Variants in RBFOX1 observed in about 807,000 individuals in gnomAD.
The protein encoded by RBFOX1 is RNA binding protein fox-1 homolog 1.
In RBFOX1, 8 loss-of-function variants were observed where a neutral mutation model predicts 57.7. The observed-to-expected ratio is 0.14, with a 90% CI of 0.08 to 0.25. The LOEUF (loss-of-function observed/expected upper bound fraction) is 0.25. Ranked by LOEUF, RBFOX1 falls within the 10% of genes least tolerant of loss-of-function variation. The pLI, the probability that RBFOX1 is intolerant of heterozygous loss-of-function variation, is 1.00. For missense variants in RBFOX1, 611 were observed against 548.5 expected (o/e 1.11, Z -1.14); for synonymous variants, 326 against 222.4 (o/e 1.47, Z -4.15).
chr16:6,246,560 A>T (rs1229414727), intron 1 of RBFOX1, among the ~76,000 whole-genome samples: 2 of 152,170 alleles, frequency 1.3e-5, no homozygotes, highest in African/African-American at 4.8e-5. Context: ...GCTCTGTGGT[A>T]ACACCATGGG....
At chr16:7,580,969 G>A (rs2093713781) in intron 6 of RBFOX1, among the ~76,000 whole-genome samples, 1 of 152,140 alleles carries the variant, frequency 6.6e-6, no homozygotes, top group African/African-American at 2.4e-5. Flanking sequence ...ACAAGAAGAT[G>A]CCCAACTTGA....
In RBFOX1 at chr16:6,714,312, G is replaced by A. The variant is rs147853889; in HGVS notation, c.-16+59662G>A. ...CATTTCATTATAGTATTGTGAAATC[G>A]GACCAAAACAGTGGTTTATTTGGGA... is the stretch of plus-strand genomic sequence containing the variant. On this transcript the variant is annotated intron_variant, in intron 3 of 15. Coordinates refer to ENST00000550418, the MANE Select transcript of RBFOX1 (RefSeq NM_018723.4). Among the ~76,000 whole-genome samples, 274 of 152,166 alleles carry A rather than the reference G, an allele frequency of 1.8e-3. 4 individuals are homozygous for A. The highest frequency in any genetic ancestry group is 6.8e-3 in the Middle Eastern group (2 of 294).
intron 3 of RBFOX1, among the ~76,000 whole-genome samples, chr16:6,830,060 GCA>G (rs1485030203): frequency 6.6e-6 from 1 of 151,950 alleles, no homozygotes; most frequent in Non-Finnish European, 1.5e-5. Flanking sequence ...AGGATTACAG[GCA>G]CACACCACCA....
intron 3 of RBFOX1, among the ~76,000 whole-genome samples, chr16:6,675,021 T>G (rs1164545260): frequency 1.3e-5 from 2 of 152,174 alleles, no homozygotes; most frequent in African/African-American, 4.8e-5. Context: ...TTCTCGTGCC[T>G]CAGCCTCCTC....
chr16:6,849,931 G>C (rs766516854), intron 3 of RBFOX1, among the ~76,000 whole-genome samples: 19 of 152,252 alleles, frequency 1.2e-4, no homozygotes, highest in Non-Finnish European at 2.4e-4. Flanking sequence ...CTAGGAAGAT[G>C]ACTTGGATTA....
chr16:5,336,361 G>A (rs2151285639), intron 1 of RBFOX1, among the ~76,000 whole-genome samples: 1 of 152,264 alleles, frequency 6.6e-6, no homozygotes, highest in East Asian at 1.9e-4. Flanking sequence ...GTTACACTGG[G>A]CAAGCTGGCA....
chr16:6,147,118 C>T (rs1216776727), intron 1 of RBFOX1, among the ~76,000 whole-genome samples: 3 of 152,132 alleles, frequency 2.0e-5, no homozygotes, highest in African/African-American at 4.8e-5. Context: ...GGATAGAGAG[C>T]CAGAGAAATA....
At chr16:6,537,586 C>G (rs1379416238) in intron 2 of RBFOX1, among the ~76,000 whole-genome samples, 1 of 152,204 alleles carries the variant, frequency 6.6e-6, no homozygotes, top group Non-Finnish European at 1.5e-5. Flanking sequence ...AGAGACCACG[C>G]TGAAGTATCT....
chr16:6,884,289 G>C (rs541930275), intron 3 of RBFOX1, among the ~76,000 whole-genome samples: 1 of 152,266 alleles, frequency 6.6e-6, no homozygotes, highest in South Asian at 2.1e-4. Flanking sequence ...TCTGGGTACT[G>C]TGAAGCAACT....
intron 4 of RBFOX1, among the ~76,000 whole-genome samples, chr16:7,233,085 C>A (rs2093592437): frequency 6.6e-6 from 1 of 152,090 alleles, no homozygotes; most frequent in South Asian, 2.1e-4. Context: ...GGCCAAAGAA[C>A]CCATCTCACA....
intron 4 of RBFOX1, among the ~76,000 whole-genome samples, chr16:7,108,949 G>C (rs1232870880): frequency 6.6e-6 from 1 of 152,144 alleles, no homozygotes; most frequent in East Asian, 1.9e-4. Flanking sequence ...TATGGTCAAG[G>C]AGGAGAAAAG....
At chr16:5,823,712 G>A (rs566234504) in intron 3 of RBFOX1, among the ~76,000 whole-genome samples, 25 of 152,192 alleles carry the variant, frequency 1.6e-4, no homozygotes, top group African/African-American at 5.8e-4. Context: ...CACATGTGAG[G>A]GATCTAGGTT....
At chr16:5,454,967 CTTTCTT>C (rs1354179495) in intron 1 of RBFOX1, among the ~76,000 whole-genome samples, 1 of 60,700 alleles carries the variant, frequency 1.6e-5, no homozygotes, top group Admixed American at 1.9e-4. Context: ...TCCTTTCTTT[CTTTCTT>C]TCTTTCTTTC....
chr16:6,595,042 C>T (rs62015537), intron 2 of RBFOX1, among the ~76,000 whole-genome samples: 1 of 152,094 alleles, frequency 6.6e-6, no homozygotes, highest in Non-Finnish European at 1.5e-5. Context: ...CCGCCTCTGC[C>T]TCCCAAAGTG....
At chr16:7,017,367 C>A (rs749883181) in intron 3 of RBFOX1, among the ~76,000 whole-genome samples, 4 of 152,124 alleles carry the variant, frequency 2.6e-5, no homozygotes, top group Admixed American at 6.6e-5. Context: ...GCAGTGCTAA[C>A]GGAGCTGAAA....
intron 14 of RBFOX1, among the ~76,000 whole-genome samples, chr16:7,702,040 T>C (rs2080905888): frequency 6.6e-6 from 1 of 152,196 alleles, no homozygotes; most frequent in Non-Finnish European, 1.5e-5. Flanking sequence ...TGCACTGAGA[T>C]AACTTGTCCT....
intron 3 of RBFOX1, among the ~76,000 whole-genome samples, chr16:6,878,213 T>A (rs1366736596): frequency 6.6e-6 from 1 of 152,162 alleles, no homozygotes; most frequent in Non-Finnish European, 1.5e-5. Flanking sequence ...TGCAGGCTCA[T>A]CAACAAAGAT....
intron 1 of RBFOX1, among the ~76,000 whole-genome samples, chr16:6,246,718 T>A (rs2097571028): frequency 6.6e-6 from 1 of 152,166 alleles, no homozygotes. Context: ...GCGGACTGGA[T>A]AGGGAGCGTT....
chr16:7,448,039 G>T (rs1275979957), intron 4 of RBFOX1, among the ~76,000 whole-genome samples: 2 of 152,174 alleles, frequency 1.3e-5, no homozygotes, highest in African/African-American at 4.8e-5. Flanking sequence ...TGAAGCATGT[G>T]AAAGTTGTAA....
Sources: gnomAD v4.1 joint callset for allele counts (sites outside exome capture counted in the v4.1 genomes callset) on GRCh38, gnomAD v4.1.1 for gene constraint, MANE v1.5 for transcripts, NCBI Gene and HGNC (gene_info 2026-07-23, HGNC 2026-07-21) for gene names.